The following LIPI variants were observed in gnomAD, a reference collection of about 807,000 sequenced individuals.
The protein encoded by LIPI is lipase member I.
A neutral mutation model predicts 50.6 loss-of-function variants in LIPI; 59 were observed. The ratio of observed to expected loss-of-function variants is 1.16; its 90% CI spans 0.94 to 1.45. The LOEUF (loss-of-function observed/expected upper bound fraction) is 1.45, where lower values mean the gene tolerates loss of function less well. LIPI is among the 40% of genes most tolerant of loss of function. The pLI is 0.00. For missense variants in LIPI, 586 were observed against 536.3 expected (o/e 1.09, Z -0.92); for synonymous variants, 203 against 178.2 (o/e 1.14, Z -1.11).
intron 4 of LIPI, among the ~76,000 whole-genome samples, chr21:14,174,624 G>T (rs953586393): frequency 1.3e-5 from 2 of 151,938 alleles, no homozygotes; most frequent in Non-Finnish European, 2.9e-5. Flanking sequence ...CATGATCTCC[G>T]CTCACTGTGA....
At chr21:14,129,699 C>T (rs1050917363) in intron 9 of LIPI, among the ~76,000 whole-genome samples, 7 of 150,218 alleles carry the variant, frequency 4.7e-5, no homozygotes, top group Non-Finnish European at 7.4e-5. Flanking sequence ...TTTTAAAAGT[C>T]GATTGTGAAT....
At chr21:14,129,641 G>T (rs902732939) in intron 9 of LIPI, among the ~76,000 whole-genome samples, 2 of 151,638 alleles carry the variant, frequency 1.3e-5, no homozygotes, top group African/African-American at 4.8e-5. Flanking sequence ...AATAAAAACA[G>T]TTTGATGTCA....
chr21:14,153,894 C>T (rs1447538853), intron 7 of LIPI, among the ~76,000 whole-genome samples: 1 of 152,072 alleles, frequency 6.6e-6, no homozygotes, highest in African/African-American at 2.4e-5. Flanking sequence ...TTAAATAAAA[C>T]TCCAGAAAAC....
At chr21:14,164,190 G>A (rs1224478265) in intron 6 of LIPI, among the ~76,000 whole-genome samples, 1 of 151,828 alleles carries the variant, frequency 6.6e-6, no homozygotes, top group African/African-American at 2.4e-5. Context: ...CCAAATTTGA[G>A]ATTTGAATAT....
At chr21:14,124,985 C>T (rs2017001589) in intron 9 of LIPI, among the ~76,000 whole-genome samples, 1 of 149,396 alleles carries the variant, frequency 6.7e-6, no homozygotes, top group Admixed American at 6.8e-5. Context: ...AAGAGTGAAA[C>T]TCCACCTCGA....
At position 14,152,668 on chromosome 21, in the gene LIPI, G is replaced by T. The variant is rs1478229471; in HGVS notation, c.1023C>A (p.Leu341=). ...TYPFCTYYFV[L]SIIVPDKTMM... ...TAGTTTTATCTGGAACAATTATACT[G>T]AGAACAAAATAATAGGCTACAAAAT... The change falls in exon 8 of 10, where the codon CTC becomes CTA. Residue 341 remains leucine (L), a synonymous_variant. Coordinates refer to ENST00000681601, the MANE Select transcript of LIPI (RefSeq NM_001302998.2). 3 of 1,490,440 alleles carry T rather than the reference G, an allele frequency of 2.0e-6. No homozygotes were observed. The highest frequency in any genetic ancestry group is 2.8e-6 in the Non-Finnish European group (3 of 1,071,184). 92.3% of individuals were successfully genotyped at this position (1,490,440 alleles called of 1,614,324 possible). A position where few individuals can be genotyped will look rare whatever the true frequency, so the allele number is the denominator to read the frequency against.
At chr21:14,132,359 A>C (rs1461007419) in intron 9 of LIPI, among the ~76,000 whole-genome samples, 1 of 152,178 alleles carries the variant, frequency 6.6e-6, no homozygotes, top group African/African-American at 2.4e-5. Context: ...GAATAACAAC[A>C]GACTTTTTAG....
chr21:14,144,698 C>G lies in LIPI; in HGVS notation c.1220G>C (p.Ser407Thr). The change falls in exon 9 of 10, where the codon AGC becomes ACC. Residue 407 changes from serine to threonine, a missense_variant. By Grantham distance (58) the Ser-to-Thr change is moderately conservative. Transcript: ENST00000681601. ...ISSIGLTYFQ[S>T]SNLQCSTCTY... The stretch of plus-strand genomic sequence containing the variant: ...GCATGTGGAACACTGCAGATTTGAG[C>G]TCTGGAAATATGTCAAACCAATGCT... 1 of 1,584,668 alleles carries G rather than the reference C, an allele frequency of 6.3e-7. No homozygotes were observed. The highest frequency in any genetic ancestry group is 8.7e-7 in the Non-Finnish European group (1 of 1,153,798).
intron 7 of LIPI, 136 bp downstream of exon 7, chr21:14,163,283 G>C (rs1005244989): frequency 8.4e-6 from 5 of 596,206 alleles, no homozygotes; most frequent in Middle Eastern, 4.5e-4. Flanking sequence ...TGTCCCACTG[G>C]CTATAGCAAA....
intron 8 of LIPI, among the ~76,000 whole-genome samples, chr21:14,147,885 G>A: frequency 6.6e-6 from 1 of 151,944 alleles, no homozygotes; most frequent in Non-Finnish European, 1.5e-5. Flanking sequence ...TTGGATCCAG[G>A]CTCATGTTAT....
chr21:14,144,841 A>G (rs1421922679), intron 8 of LIPI, 42 bp from the exon 9 acceptor site: 1 of 1,351,144 alleles, frequency 7.4e-7, no homozygotes, highest in African/African-American at 1.4e-5. Flanking sequence ...TAATAATTTG[A>G]AACATAACTC....
intron 4 of LIPI, among the ~76,000 whole-genome samples, chr21:14,167,042 G>T (rs1255013348): frequency 1.3e-5 from 2 of 152,190 alleles, no homozygotes; most frequent in Non-Finnish European, 2.9e-5. Context: ...CTTAAAAAAC[G>T]GCCCACCAGG....
chr21:14,167,766 A>G (rs549014771), intron 4 of LIPI, among the ~76,000 whole-genome samples: 8 of 152,326 alleles, frequency 5.3e-5, no homozygotes, highest in African/African-American at 1.4e-4. Flanking sequence ...AAATGGGGAA[A>G]AAACAGAGCA....
intron 7 of LIPI, among the ~76,000 whole-genome samples, chr21:14,160,723 T>C (rs1227203812): frequency 1.3e-5 from 2 of 151,386 alleles, no homozygotes; most frequent in African/African-American, 2.4e-5. Context: ...ACAAACTGTA[T>C]GAAAATATTT....
chr21:14,200,191 C>G (rs1029093367), intron 1 of LIPI, among the ~76,000 whole-genome samples: 1 of 151,922 alleles, frequency 6.6e-6, no homozygotes, highest in Admixed American at 6.6e-5. Flanking sequence ...GAAAACCAGC[C>G]AAGACAAGGA....
chr21:14,125,968 T>G (rs1211942143), intron 9 of LIPI, among the ~76,000 whole-genome samples: 6 of 151,974 alleles, frequency 3.9e-5, no homozygotes. Flanking sequence ...ACATGGAAAT[T>G]TTAAGAAAAA....
At chr21:14,120,903 CT>C (rs150544242) in intron 9 of LIPI, among the ~76,000 whole-genome samples, 71 of 152,298 alleles carry the variant, frequency 4.7e-4, no homozygotes, top group Admixed American at 7.8e-4. Context: ...CTCGAGCCAT[CT>C]GTGAGCAGTG....
chr21:14,196,487 G>A (rs2019859043), intron 1 of LIPI, among the ~76,000 whole-genome samples: 1 of 152,036 alleles, frequency 6.6e-6, no homozygotes, highest in Non-Finnish European at 1.5e-5. Context: ...TTGATTTTAT[G>A]GTTGTTATAT....
At chr21:14,193,243 T>C (rs2019737163) in intron 1 of LIPI, among the ~76,000 whole-genome samples, 2 of 151,804 alleles carry the variant, frequency 1.3e-5, no homozygotes, top group South Asian at 4.1e-4. Context: ...TATAGAATAT[T>C]TAAGAAAGAA....
Sources: allele counts gnomAD v4.1 joint callset (sites outside exome capture counted in the v4.1 genomes callset), GRCh38; gene constraint gnomAD v4.1.1; transcripts MANE v1.5; gene names NCBI Gene and HGNC (gene_info 2026-07-23, HGNC 2026-07-21).